The following SGCZ variants were observed in gnomAD, a reference collection of about 807,000 sequenced individuals.
The protein encoded by SGCZ is zeta-sarcoglycan.
SGCZ carries 40 observed loss-of-function variants against 41.3 expected under a neutral mutation model. That is an observed-to-expected ratio of 0.97 (90% CI 0.75 to 1.26). The LOEUF (loss-of-function observed/expected upper bound fraction) is 1.26, where lower values mean the gene tolerates loss of function less well. SGCZ is among the 50% of genes most tolerant of loss of function. The probability of loss-of-function intolerance (pLI) is 0.00; values close to 1 mark genes in which losing one functional copy is unlikely to be tolerated. For synonymous variants in SGCZ, 206 were observed against 137.5 expected (o/e 1.50, Z -3.49); for missense variants, 552 against 369.8 (o/e 1.49, Z -4.04).
At position 14,236,390 on chromosome 8, in the gene SGCZ, T is replaced by C. The variant is rs73515217; in HGVS notation, c.424+1202A>G. 4.5e-3 allele frequency among the ~76,000 whole-genome samples: 690 copies of C among 152,292 alleles called. 5 individuals are homozygous for C. Among genetic ancestry groups the C allele is most frequent in the African/African-American group, 0.016 (661 of 41,568 alleles). On this transcript the variant is annotated intron_variant, in intron 4 of 7. Coordinates refer to ENST00000382080, the MANE Select transcript of SGCZ (RefSeq NM_139167.4). ...AGCAATTTTTACAAATAAAACTATA[T>C]TTTTAGAAAATTCATATATGCTAAA...
chr8:14,321,534 CA>C (rs1801918506), intron 3 of SGCZ, among the ~76,000 whole-genome samples: 6 of 133,208 alleles, frequency 4.5e-5, no homozygotes, highest in Non-Finnish European at 1.1e-4. Flanking sequence ...AAGGCCTGTA[CA>C]ACCACAAAGT....
chr8:14,764,232 T>G (rs1343218202), intron 1 of SGCZ, among the ~76,000 whole-genome samples: 1 of 152,212 alleles, frequency 6.6e-6, no homozygotes, highest in Non-Finnish European at 1.5e-5. Flanking sequence ...GTAGATATGT[T>G]AGAACTTTTA....
At chr8:14,219,008 T>G (rs932327242) in intron 4 of SGCZ, among the ~76,000 whole-genome samples, 1 of 152,210 alleles carries the variant, frequency 6.6e-6, no homozygotes, top group Non-Finnish European at 1.5e-5. Flanking sequence ...TGAACCAAAC[T>G]GGAGAGGTGA....
intron 2 of SGCZ, among the ~76,000 whole-genome samples, chr8:14,399,354 G>T (rs533647160): frequency 6.6e-6 from 1 of 152,018 alleles, no homozygotes; most frequent in East Asian, 1.9e-4. Context: ...AATCTGACAG[G>T]CCTGGGCATC....
rs10103403 is a variant in SGCZ at position 14,552,490 on chromosome 8, C to T, written c.234+2242G>A. On this transcript the variant is annotated intron_variant, in intron 2 of 7. Transcript: ENST00000382080. ...CCTTCTGATTATAAAAAGGTCAAAA[C>T]ATAATTTTTTAAAAGACATGCTTCA... is the stretch of plus-strand genomic sequence containing the variant. Among the ~76,000 whole-genome samples, 1,409 of 152,070 alleles carry T rather than the reference C, an allele frequency of 9.3e-3. 14 individuals carry two copies. The highest frequency in any genetic ancestry group is 0.032 in the African/African-American group (1,345 of 41,488).
chr8:14,244,483 T>C (rs1459238722), intron 3 of SGCZ, among the ~76,000 whole-genome samples: 1 of 152,174 alleles, frequency 6.6e-6, no homozygotes, highest in Admixed American at 6.6e-5. Flanking sequence ...CCATGCTGTT[T>C]TGGTTACTGT....
chr8:14,672,644 T>C (rs1348030402), intron 1 of SGCZ, among the ~76,000 whole-genome samples: 1 of 152,154 alleles, frequency 6.6e-6, no homozygotes, highest in Non-Finnish European at 1.5e-5. Context: ...AAAAGCTTTT[T>C]GGAGGAAACA....
intron 2 of SGCZ, among the ~76,000 whole-genome samples, chr8:14,454,308 C>T (rs1372554348): frequency 6.6e-6 from 1 of 152,214 alleles, no homozygotes; most frequent in East Asian, 1.9e-4. Context: ...GGGAAGACTT[C>T]ATTACTGTAA....
intron 1 of SGCZ, among the ~76,000 whole-genome samples, chr8:15,216,517 G>T (rs1387155379): frequency 6.6e-6 from 1 of 152,004 alleles, no homozygotes; most frequent in African/African-American, 2.4e-5. Flanking sequence ...ACCGCACCTG[G>T]CCAGCTTATT....
intron 1 of SGCZ, among the ~76,000 whole-genome samples, chr8:14,598,255 CTT>C (rs1206823617): frequency 3.4e-5 from 5 of 145,286 alleles, no homozygotes; most frequent in African/African-American, 9.7e-5. Context: ...TACATGGCCT[CTT>C]TGAGTATCTC....
intron 1 of SGCZ, among the ~76,000 whole-genome samples, chr8:15,177,254 T>C (rs1205439972): frequency 2.6e-5 from 4 of 152,202 alleles, no homozygotes; most frequent in Admixed American, 2.6e-4. Context: ...GGCATTTAGA[T>C]GTTCCTCAGA....
intron 2 of SGCZ, among the ~76,000 whole-genome samples, chr8:14,454,883 A>G (rs1387753139): frequency 2.6e-5 from 4 of 152,206 alleles, no homozygotes; most frequent in Admixed American, 2.6e-4. Context: ...TAAACTCCAA[A>G]TGGATTAGGC....
At chr8:14,677,630 G>A (rs1436395150) in intron 1 of SGCZ, among the ~76,000 whole-genome samples, 2 of 152,138 alleles carry the variant, frequency 1.3e-5, no homozygotes, top group Non-Finnish European at 2.9e-5. Context: ...AATAAGCCAG[G>A]AGGGGTGGCC....
chr8:14,522,278 G>A (rs1446740278), intron 2 of SGCZ, among the ~76,000 whole-genome samples: 1 of 151,884 alleles, frequency 6.6e-6, no homozygotes, highest in Non-Finnish European at 1.5e-5. Context: ...ATAATAGTGT[G>A]TTCCCTCTTC....
intron 1 of SGCZ, among the ~76,000 whole-genome samples, chr8:14,871,303 C>T (rs1804141340): frequency 2.0e-5 from 3 of 152,078 alleles, no homozygotes; most frequent in Admixed American, 6.6e-5. Context: ...TAAATTATTT[C>T]AACCACTGTG....
intron 3 of SGCZ, among the ~76,000 whole-genome samples, chr8:14,296,782 CAAAT>C (rs1650208419): frequency 2.0e-5 from 3 of 150,366 alleles, no homozygotes; most frequent in Non-Finnish European, 4.4e-5. Context: ...AAAAGGGGGT[CAAAT>C]AAATAAAAAA....
At chr8:14,324,334 G>GA in intron 2 of SGCZ, 130 bp from the exon 3 acceptor site, 1 of 692,226 alleles carries the variant, frequency 1.4e-6, no homozygotes, top group East Asian at 2.7e-5. Flanking sequence ...ATGAGAGATT[G>GA]AATCTACTTA....
At chr8:15,145,642 A>G (rs980248472) in intron 1 of SGCZ, among the ~76,000 whole-genome samples, 2 of 152,092 alleles carry the variant, frequency 1.3e-5, no homozygotes, top group Admixed American at 6.6e-5. Context: ...TTCTTCAGAG[A>G]CAAGGTCTTA....
At chr8:14,505,493 G>A (rs563204805) in intron 2 of SGCZ, among the ~76,000 whole-genome samples, 1 of 152,204 alleles carries the variant, frequency 6.6e-6, no homozygotes, top group East Asian at 1.9e-4. Context: ...CTGAGAAATG[G>A]CGTGATAAGA....
Sources: gnomAD v4.1 joint callset for allele counts (sites outside exome capture counted in the v4.1 genomes callset) on GRCh38, gnomAD v4.1.1 for gene constraint, MANE v1.5 for transcripts, NCBI Gene and HGNC (gene_info 2026-07-23, HGNC 2026-07-21) for gene names.